The following SASH1 variants were observed in gnomAD, a reference collection of about 807,000 sequenced individuals.
SASH1 encodes the protein SAM and SH3 domain-containing protein 1.
In SASH1, 44 loss-of-function variants were observed where a neutral mutation model predicts 125.2. That is an observed-to-expected ratio of 0.35 (90% CI 0.28 to 0.45). The LOEUF (loss-of-function observed/expected upper bound fraction) is 0.45, where lower values mean the gene tolerates loss of function less well. Ranked by LOEUF, SASH1 falls within the 20% of genes least tolerant of loss-of-function variation. The pLI is 1.00. For missense variants in SASH1, 1,426 were observed against 1,614.5 expected (o/e 0.88, Z 2.00); for synonymous variants, 639 against 649.1 (o/e 0.98, Z 0.24).
chr6:148,295,403 C>G (rs541704456), intron 1 of SASH1, among the ~76,000 whole-genome samples: 1 of 152,176 alleles, frequency 6.6e-6, no homozygotes, highest in Non-Finnish European at 1.5e-5. Flanking sequence ...AGAGAAGGAG[C>G]TGAAGTAAAC....
At chr6:148,460,045 T>G (rs1286826002) in intron 4 of SASH1, among the ~76,000 whole-genome samples, 1 of 152,160 alleles carries the variant, frequency 6.6e-6, no homozygotes, top group Non-Finnish European at 1.5e-5. Context: ...CTGCTCATGA[T>G]CTCTACCACA....
chr6:148,406,981 A>G (rs556984105), intron 2 of SASH1, among the ~76,000 whole-genome samples: 9 of 152,254 alleles, frequency 5.9e-5, no homozygotes, highest in Admixed American at 3.9e-4. Flanking sequence ...AGCCTAGTCC[A>G]TGGCAGGAGT....
chr6:148,472,948 A>G (rs1269218114), intron 6 of SASH1, among the ~76,000 whole-genome samples: 1 of 152,202 alleles, frequency 6.6e-6, no homozygotes, highest in Non-Finnish European at 1.5e-5. Context: ...GGGATGTTAA[A>G]GCTCATGTTC....
At chr6:148,393,622 G>T in intron 2 of SASH1, 1 of 786,730 alleles carries the variant, frequency 1.3e-6, no homozygotes, top group Non-Finnish European at 1.5e-6. Flanking sequence ...TTATTATTTT[G>T]ATTTATTATT....
chr6:148,524,751 C>T (rs1379822789), intron 10 of SASH1: 1 of 152,342 alleles, frequency 6.6e-6, no homozygotes, highest in African/African-American at 2.4e-5. Context: ...CCTGATTGGA[C>T]AACTGTAAAC....
rs1032686892 is a variant in SASH1 at position 148,532,131 on chromosome 6, G to A, written c.1564+470G>A. 6.6e-6 allele frequency among the ~76,000 whole-genome samples: 1 copy of A among 152,056 alleles called. No individual in the cohort carries two copies. ...GTCTCACTGTCTCCCAGGCTGGAGT[G>A]CAGTGTTGTGATCTCAGCTCACTGC... On this transcript the variant is annotated intron_variant, in intron 13 of 19. Transcript: ENST00000367467. This position sits in a 1 kb window ranked among gnomAD's most constrained non-coding sequence, Gnocchi z 4.7.
At chr6:148,376,966 C>G (rs980660349) in intron 1 of SASH1, among the ~76,000 whole-genome samples, 6 of 151,140 alleles carry the variant, frequency 4.0e-5, no homozygotes, top group Admixed American at 2.0e-4. Flanking sequence ...GTCAGGAGAT[C>G]GAGACCATCC....
chr6:148,208,526 G>A, the SASH1 span, among the ~76,000 whole-genome samples: 4 of 152,128 alleles, frequency 2.6e-5, no homozygotes, highest in Non-Finnish European at 5.9e-5. Context: ...AAGCCATTTT[G>A]GATTTTTCTT....
chr6:148,508,935 TAA>T (rs1779962488), intron 8 of SASH1: 1 of 959,570 alleles, frequency 1.0e-6, no homozygotes, highest in South Asian at 1.3e-5. Context: ...TTGCTTCAAG[TAA>T]AAGTTTTTGC....
intron 4 of SASH1, among the ~76,000 whole-genome samples, chr6:148,447,806 C>T (rs2115028612): frequency 6.6e-6 from 1 of 152,200 alleles, no homozygotes; most frequent in Admixed American, 6.5e-5. Context: ...CCACCTTAGC[C>T]CTTGCTATGT....
upstream of SASH1, among the ~76,000 whole-genome samples, chr6:148,338,824 G>A (rs1267497874): frequency 6.6e-6 from 1 of 151,964 alleles, no homozygotes; most frequent in African/African-American, 2.4e-5. Context: ...GGCCAACATG[G>A]TGAAACCCCA....
the SASH1 span, among the ~76,000 whole-genome samples, chr6:148,260,311 C>T: frequency 6.6e-6 from 1 of 151,970 alleles, no homozygotes; most frequent in African/African-American, 2.4e-5. Flanking sequence ...TATTTTAAAT[C>T]AAGATTATTT....
Position 148,533,878 on chromosome 6 carries a change from T to C in SASH1, c.1842T>C (p.Ser614=). 3.1e-6 allele frequency: 5 copies of C among 1,614,076 alleles called. No individual in the cohort carries two copies. Among genetic ancestry groups the C allele is most frequent in the Non-Finnish European group, 4.2e-6 (5 of 1,179,968 alleles). Residue 614 remains serine (S), a synonymous_variant, in exon 15 of 20, where the codon AGT becomes AGC. Coordinates refer to ENST00000367467, the MANE Select transcript of SASH1 (RefSeq NM_015278.5). The surrounding 1 kb of genome is among the most constrained non-coding windows in gnomAD (Gnocchi z 6.2). ...AGTTCATCTACGTGGACGTGCTCAG[T>C]GAAGACGAGGAGAAACCCAAACGCC... ...TFKFIYVDVL[S]EDEEKPKRPT... is the part of the protein sequence containing the mutation.
intron 4 of SASH1, among the ~76,000 whole-genome samples, chr6:148,462,027 A>T (rs1777632569): frequency 1.3e-5 from 2 of 150,270 alleles, no homozygotes; most frequent in South Asian, 2.1e-4. Context: ...CAGATGTGTC[A>T]GGCTTTTTTT....
the SASH1 span, among the ~76,000 whole-genome samples, chr6:148,219,353 C>T: frequency 5.6e-4 from 85 of 152,302 alleles, no homozygotes; most frequent in African/African-American, 2.0e-3. Flanking sequence ...CCACCCTGCA[C>T]AGAAATGTCT....
intron 1 of SASH1, among the ~76,000 whole-genome samples, chr6:148,329,233 G>GA (rs1159751324): frequency 2.0e-5 from 3 of 152,104 alleles, no homozygotes; most frequent in Admixed American, 6.5e-5. Flanking sequence ...TAAGGCATAG[G>GA]AAAAAAATTA....
At chr6:148,526,275 G>C (rs1196712916) in intron 11 of SASH1, among the ~76,000 whole-genome samples, 3 of 152,014 alleles carry the variant, frequency 2.0e-5, no homozygotes, top group Admixed American at 6.5e-5. Context: ...TGTTGGCCAG[G>C]CTGGTCTTGA....
intron 2 of SASH1, among the ~76,000 whole-genome samples, chr6:148,424,010 G>GA (rs35537957): frequency 0.051 from 6,983 of 135,702 alleles, 202 homozygotes; most frequent in East Asian, 0.084. Flanking sequence ...AGTTTCTGAA[G>GA]AAAAAAAAAA....
chr6:148,522,493 T>TTAA (rs1243714584), intron 10 of SASH1, among the ~76,000 whole-genome samples: 1 of 152,228 alleles, frequency 6.6e-6, no homozygotes, highest in Non-Finnish European at 1.5e-5. Context: ...AATGCCATAT[T>TTAA]TGCTTGATGA....
Sources: gnomAD v4.1 joint callset for allele counts (sites outside exome capture counted in the v4.1 genomes callset) on GRCh38, gnomAD v4.1.1 for gene constraint, Gnocchi (gnomAD v3.1) non-coding constraint, MANE v1.5 for transcripts, NCBI Gene and HGNC (gene_info 2026-07-23, HGNC 2026-07-21) for gene names.